The following EVI5 variants were observed in gnomAD, a reference collection of about 807,000 sequenced individuals.
EVI5 encodes the protein ecotropic viral integration site 5.
A neutral mutation model predicts 112.0 loss-of-function variants in EVI5; 73 were observed. The ratio of observed to expected loss-of-function variants is 0.65; its 90% confidence interval spans 0.54 to 0.79. The LOEUF (loss-of-function observed/expected upper bound fraction) is 0.79. EVI5 is among the 30% of genes least tolerant of loss of function. The probability of loss-of-function intolerance (pLI) is 0.00; values close to 1 mark genes in which losing one functional copy is unlikely to be tolerated. For synonymous variants in EVI5, 305 were observed against 319.9 expected (o/e 0.95, Z 0.50); for missense variants, 900 against 968.8 (o/e 0.93, Z 0.94).
intron 18 of EVI5, among the ~76,000 whole-genome samples, chr1:92,582,489 G>A (rs1385900308): frequency 6.6e-6 from 1 of 152,074 alleles, no homozygotes; most frequent in Non-Finnish European, 1.5e-5. Context: ...GGGAAGATTA[G>A]GGAGCACAGA....
intron 19 of EVI5, among the ~76,000 whole-genome samples, chr1:92,534,533 C>T (rs535390300): frequency 1.3e-5 from 2 of 152,286 alleles, no homozygotes; most frequent in South Asian, 4.1e-4. Context: ...TCAAACTATA[C>T]TACAAGGCTA....
At chr1:92,606,160 C>T (rs1311605052) in intron 17 of EVI5, among the ~76,000 whole-genome samples, 1 of 152,128 alleles carries the variant, frequency 6.6e-6, no homozygotes. Context: ...AAATAAAATC[C>T]CATATTAGTT....
intron 18 of EVI5, among the ~76,000 whole-genome samples, chr1:92,603,976 C>A (rs7515478): frequency 0.92 from 139,988 of 151,940 alleles, 64,575 homozygotes; most frequent in East Asian, 0.97. Flanking sequence ...GGCTCAAGAT[C>A]TGCCTGCCTC....
At chr1:92,780,915 A>C (rs1684779287) in intron 1 of EVI5, among the ~76,000 whole-genome samples, 1 of 151,468 alleles carries the variant, frequency 6.6e-6, no homozygotes. Context: ...GCAATGGCAC[A>C]ATCTCGGCTC....
intron 19 of EVI5, among the ~76,000 whole-genome samples, chr1:92,534,669 C>A (rs1057096267): frequency 6.6e-6 from 1 of 152,086 alleles, no homozygotes; most frequent in Admixed American, 6.6e-5. Flanking sequence ...TGACAAAAAC[C>A]AGAAATGGGA....
Position 92,769,835 on chromosome 1 carries a change from C to T in EVI5, c.-82+15001G>A, listed in dbSNP as rs181541087. On this transcript the variant is annotated intron_variant, in intron 1 of 19. Transcript: ENST00000684568. Reference sequence around the variant, plus strand: ...CCGAGAGGCAGAGCCTGCAGTGAGCCGAGATGGCACCACTGCACTCCAGCC... The same window carrying T: ...CCGAGAGGCAGAGCCTGCAGTGAGCTGAGATGGCACCACTGCACTCCAGCC... 5.9e-4 allele frequency among the ~76,000 whole-genome samples: 90 copies of T among 152,054 alleles called. No homozygotes were observed. The East Asian group carries it at 0.014, about 24-fold the overall frequency.
chr1:92,630,688 C>G (rs901240642), intron 14 of EVI5, among the ~76,000 whole-genome samples: 2 of 152,082 alleles, frequency 1.3e-5, no homozygotes, highest in African/African-American at 4.8e-5. Flanking sequence ...TCCCATTTGT[C>G]AATTTTGGCT....
In EVI5 at chr1:92,583,733, C is replaced by CTT. The variant is rs75392768; in HGVS notation, c.2071-19998_2071-19997dup. On this transcript the variant is annotated intron_variant, in intron 18 of 19. Coordinates refer to ENST00000684568, the MANE Select transcript of EVI5 (RefSeq NM_001350197.2). ...GTACCAATGCCTTCTCTCTCTCTCT[C>CTT]TTTTTTTTTTTTTTTACATTCTTTC... Among the ~76,000 whole-genome samples, 10 of 138,104 alleles carry CTT rather than the reference C, an allele frequency of 7.2e-5. No individual in the cohort carries two copies. In the East Asian group the frequency reaches 8.3e-4, roughly 12 times the overall value. 90.6% of individuals were successfully genotyped at this position (138,104 alleles called of 152,430 possible). A position where few individuals can be genotyped will look rare whatever the true frequency, so the allele number is the denominator to read the frequency against.
At chr1:92,568,619 T>A (rs1294697984) in intron 18 of EVI5, among the ~76,000 whole-genome samples, 1 of 152,094 alleles carries the variant, frequency 6.6e-6, no homozygotes, top group Non-Finnish European at 1.5e-5. Flanking sequence ...AGTTGACCCA[T>A]AACATGGCTT....
intron 10 of EVI5, among the ~76,000 whole-genome samples, chr1:92,666,376 CAT>C (rs952616760): frequency 2.0e-5 from 3 of 151,236 alleles, no homozygotes; most frequent in South Asian, 2.1e-4. Flanking sequence ...CACACACACA[CAT>C]GCATGCATGC....
At chr1:92,786,184 A>T (rs994859496), upstream of EVI5, among the ~76,000 whole-genome samples, 3 of 151,510 alleles carry the variant, frequency 2.0e-5, no homozygotes, top group Non-Finnish European at 4.4e-5. Flanking sequence ...TTTAAATTTA[A>T]ATTTATAAGA....
chr1:92,533,520 G>A (rs763314965), intron 19 of EVI5, among the ~76,000 whole-genome samples: 17 of 152,128 alleles, frequency 1.1e-4, no homozygotes, highest in Non-Finnish European at 5.9e-5. Context: ...GAACATTGGT[G>A]TGAAAATCCT....
intron 1 of EVI5, among the ~76,000 whole-genome samples, chr1:92,748,342 CA>C (rs1679632830): frequency 6.6e-6 from 1 of 152,164 alleles, no homozygotes; most frequent in Non-Finnish European, 1.5e-5. Context: ...CCACCAGGCA[CA>C]AATGTGAACA....
rs1663654680 is a variant in EVI5, at chr1:92,535,216, T to C, written c.2167-21246A>G. 2.0e-5 allele frequency among the ~76,000 whole-genome samples: 3 copies of C among 152,216 alleles called. No individual in the cohort carries two copies. In the South Asian group the frequency reaches 6.2e-4, roughly 31 times the overall value. ...AATGCAAATCAAAACCACAATGAGATACCATCTCATAGAATGGTGATCATT... is the reference window on the plus strand; with the variant it reads ...AATGCAAATCAAAACCACAATGAGACACCATCTCATAGAATGGTGATCATT... On this transcript the variant is annotated intron_variant, in intron 19 of 19. Coordinates refer to ENST00000684568, the MANE Select transcript of EVI5 (RefSeq NM_001350197.2).
intron 19 of EVI5, among the ~76,000 whole-genome samples, chr1:92,561,608 C>CCCAT (rs376004633): frequency 1.3e-3 from 174 of 132,246 alleles, no homozygotes; most frequent in Non-Finnish European, 2.1e-3. Context: ...TCTAATCTAT[C>CCCAT]CTATCTATCT....
chr1:92,776,418 C>T (rs1281230900), intron 1 of EVI5, among the ~76,000 whole-genome samples: 1 of 152,116 alleles, frequency 6.6e-6, no homozygotes, highest in South Asian at 2.1e-4. Context: ...AATAACAAAG[C>T]TATTAGAGAT....
Position 92,697,817 on chromosome 1 carries a change from A to C in EVI5, c.765+43T>G, listed in dbSNP as rs768884163. On this transcript the variant is annotated intron_variant, in intron 6 of 19. Transcript: ENST00000684568. Reference sequence around the variant, plus strand: ...TTGGCACTCAGAACAAGATATAAAAAATATAAAGGCAATATGCCTTTTTAT... The same window carrying C: ...TTGGCACTCAGAACAAGATATAAAACATATAAAGGCAATATGCCTTTTTAT... The C allele has an allele frequency of 4.3e-5, 66 of 1,533,340 alleles. No homozygotes were observed. The East Asian group carries it at 1.5e-3, about 34-fold the overall frequency. The allele number at this position is 1,533,340 out of a possible 1,614,324, so 95.0% of individuals were successfully genotyped here.
At chr1:92,748,787 C>T (rs1442773595) in intron 1 of EVI5, among the ~76,000 whole-genome samples, 1 of 151,990 alleles carries the variant, frequency 6.6e-6, no homozygotes, top group Admixed American at 6.6e-5. Flanking sequence ...TACATATTGG[C>T]CAGTCACGGT....
chr1:92,715,614 A>G (rs377251235), intron 2 of EVI5, among the ~76,000 whole-genome samples: 5 of 152,164 alleles, frequency 3.3e-5, no homozygotes, highest in African/African-American at 1.2e-4. Flanking sequence ...CTGGTTGGAC[A>G]GTGGGTGCAG....
Sources: gnomAD v4.1 joint callset for allele counts (sites outside exome capture counted in the v4.1 genomes callset) on GRCh38, gnomAD v4.1.1 for gene constraint, MANE v1.5 for transcripts, NCBI Gene and HGNC (gene_info 2026-07-23, HGNC 2026-07-21) for gene names.